DNAH14: variants seen among roughly 807,000 people sequenced by gnomAD.
DNAH14 encodes axonemal beta dynein heavy chain 14.
A neutral mutation model predicts 520.9 loss-of-function variants in DNAH14; 478 were observed. That is an observed-to-expected ratio of 0.92 (90% CI 0.85 to 0.99). DNAH14 has a LOEUF of 0.99. Among genes scored for constraint, DNAH14 ranks in the 50% least tolerant of loss-of-function variants. DNAH14 has a pLI of 0.00. For missense variants in DNAH14, 4,831 were observed against 5,234.5 expected (o/e 0.92, Z 2.38); for synonymous variants, 1,581 against 1,757.2 (o/e 0.90, Z 2.51).
At chr1:224,977,549 A>G (rs2061950630) in intron 8 of DNAH14, among the ~76,000 whole-genome samples, 1 of 151,644 alleles carries the variant, frequency 6.6e-6, no homozygotes, top group Non-Finnish European at 1.5e-5. Flanking sequence ...AGGGAAGGAA[A>G]CTTTTGGAGG....
chr1:225,112,133 A>C (rs1394415940), intron 23 of DNAH14, among the ~76,000 whole-genome samples: 1 of 152,206 alleles, frequency 6.6e-6, no homozygotes, highest in Non-Finnish European at 1.5e-5. Flanking sequence ...ACTCTCTTCA[A>C]CATTTCTTGT....
At chr1:225,004,467 G>A (rs1220892026) in intron 9 of DNAH14, among the ~76,000 whole-genome samples, 2 of 152,090 alleles carry the variant, frequency 1.3e-5, no homozygotes, top group African/African-American at 4.8e-5. Context: ...GAGGAGATAA[G>A]GCTTTTAAAT....
intron 37 of DNAH14, among the ~76,000 whole-genome samples, chr1:225,186,400 G>T (rs528695510): frequency 6.6e-6 from 1 of 151,732 alleles, no homozygotes; most frequent in Non-Finnish European, 1.5e-5. Flanking sequence ...TAACTAATAT[G>T]TATGGACTAC....
At position 225,308,429 on chromosome 1, in the gene DNAH14, C is replaced by A; in HGVS notation, c.9240+19C>A. 6.7e-7 allele frequency: 1 copy of A among 1,501,516 alleles called. No homozygotes were observed. The highest frequency in any genetic ancestry group is 1.3e-5 in the South Asian group (1 of 75,446). 93.0% of individuals were successfully genotyped at this position (1,501,516 alleles called of 1,614,324 possible). On this transcript the variant is annotated intron_variant, in intron 60 of 85. Transcript: ENST00000682510. Reference sequence around the variant, plus strand: ...TGCTCAGGTAAAATTAAAATATTGTCAATAAAAATAATTTGGAGATTTGAA... The same window carrying A: ...TGCTCAGGTAAAATTAAAATATTGTAAATAAAAATAATTTGGAGATTTGAA...
At chr1:225,132,364 T>TG in intron 27 of DNAH14, among the ~76,000 whole-genome samples, 1 of 152,006 alleles carries the variant, frequency 6.6e-6, no homozygotes, top group East Asian at 1.9e-4. Context: ...TCCCTCCCTC[T>TG]GCCCCCACAA....
intron 8 of DNAH14, among the ~76,000 whole-genome samples, chr1:224,975,774 G>C (rs1228884396): frequency 6.6e-6 from 1 of 151,344 alleles, no homozygotes; most frequent in South Asian, 2.1e-4. Context: ...GCTAGCTTTT[G>C]ATTGTGTTTG....
At chr1:225,370,899 A>G (rs1489262772) in intron 77 of DNAH14, among the ~76,000 whole-genome samples, 1 of 152,158 alleles carries the variant, frequency 6.6e-6, no homozygotes, top group Non-Finnish European at 1.5e-5. Flanking sequence ...AAATTTGAAA[A>G]TCTAGATGAA....
At chr1:225,139,673 A>G (rs1194944223) in intron 27 of DNAH14, among the ~76,000 whole-genome samples, 1 of 152,246 alleles carries the variant, frequency 6.6e-6, no homozygotes, top group Non-Finnish European at 1.5e-5. Flanking sequence ...ACTGGTTCAC[A>G]ATCTCTCTCG....
intron 21 of DNAH14, among the ~76,000 whole-genome samples, chr1:225,088,911 C>T (rs2074069006): frequency 6.6e-6 from 1 of 152,050 alleles, no homozygotes; most frequent in Non-Finnish European, 1.5e-5. Flanking sequence ...ACTGGAATAA[C>T]CATTATATGT....
At chr1:225,313,186 T>A (rs1274522498) in intron 60 of DNAH14, among the ~76,000 whole-genome samples, 1 of 152,226 alleles carries the variant, frequency 6.6e-6, no homozygotes, top group Non-Finnish European at 1.5e-5. Context: ...GGTGTATGTG[T>A]CCAGGAATGT....
intron 46 of DNAH14, among the ~76,000 whole-genome samples, chr1:225,262,239 T>G (rs1280770008): frequency 6.6e-6 from 1 of 152,038 alleles, no homozygotes; most frequent in Non-Finnish European, 1.5e-5. Flanking sequence ...ATTCTGGATA[T>G]TAGTCCTTTG....
intron 10 of DNAH14, among the ~76,000 whole-genome samples, chr1:225,012,658 C>T (rs898195415): frequency 6.6e-5 from 10 of 152,096 alleles, no homozygotes; most frequent in African/African-American, 2.2e-4. Flanking sequence ...TTTGTTCATT[C>T]CTTTTCATTC....
Position 225,043,992 on chromosome 1 carries a change from T to G in DNAH14, c.1912+9T>G. 1.4e-6 allele frequency: 2 copies of G among 1,430,116 alleles called. No homozygotes were observed. Among genetic ancestry groups the G allele is most frequent in the Non-Finnish European group, 1.9e-6 (2 of 1,056,546 alleles). The allele number at this position is 1,430,116 out of a possible 1,614,324, so 88.6% of individuals were successfully genotyped here. On this transcript the variant is annotated intron_variant, in intron 15 of 85. Transcript: ENST00000682510. The stretch of plus-strand genomic sequence containing the variant: ...TATGGAAAAATGTATAAGTAAGTGT[T>G]TTTAAAGCTTAGTGAAATGCATTGT...
intron 34 of DNAH14, among the ~76,000 whole-genome samples, chr1:225,156,950 C>T (rs376542198): frequency 9.1e-6 from 1 of 109,616 alleles, no homozygotes; most frequent in African/African-American, 3.9e-5. Context: ...CTCTTGACCT[C>T]GTGATCCGCC....
At chr1:225,354,011 G>C (rs552250308) in intron 73 of DNAH14, 123 bp downstream of exon 73, 2 of 677,998 alleles carry the variant, frequency 2.9e-6, no homozygotes, top group African/African-American at 1.8e-5. Context: ...TTTCGTGAAC[G>C]TTAATAGGAG....
chr1:225,047,546 G>A (rs1337536596), intron 15 of DNAH14, among the ~76,000 whole-genome samples: 3 of 152,172 alleles, frequency 2.0e-5, no homozygotes, highest in Non-Finnish European at 4.4e-5. Context: ...TAGCCTAGGT[G>A]TGTAGTAGGC....
rs191783674 is a variant in DNAH14 at position 224,947,176 on chromosome 1, C to T, written c.-33-5494C>T. On this transcript the variant is annotated intron_variant, in intron 1 of 85. Coordinates refer to ENST00000682510, the MANE Select transcript of DNAH14 (RefSeq NM_001367479.1). ...CAGGTGATCTGCTCACCTTGGCCTC[C>T]GAAAGTGCTGGGATTACAGGCGTGA... 4.2e-3 allele frequency among the ~76,000 whole-genome samples: 644 copies of T among 152,120 alleles called. 4 individuals are homozygous for T. The highest frequency in any genetic ancestry group is 0.015 in the African/African-American group (606 of 41,480).
intron 60 of DNAH14, among the ~76,000 whole-genome samples, chr1:225,316,432 G>A (rs1240615316): frequency 6.6e-6 from 1 of 152,170 alleles, no homozygotes; most frequent in Non-Finnish European, 1.5e-5. Flanking sequence ...TTTGGTGTCT[G>A]CCCAAACAGC....
intron 17 of DNAH14, among the ~76,000 whole-genome samples, chr1:225,061,274 G>C (rs2070052290): frequency 6.6e-6 from 1 of 152,222 alleles, no homozygotes; most frequent in Non-Finnish European, 1.5e-5. Flanking sequence ...TGCTGTGCTA[G>C]CAATGAGCGT....
Sources: gnomAD v4.1 joint callset for allele counts (sites outside exome capture counted in the v4.1 genomes callset) on GRCh38, gnomAD v4.1.1 for gene constraint, MANE v1.5 for transcripts, NCBI Gene and HGNC (gene_info 2026-07-23, HGNC 2026-07-21) for gene names.